SLC17A5: variants seen among roughly 807,000 people sequenced by gnomAD.
SLC17A5 encodes the protein solute carrier family 17 member 5.
A neutral mutation model predicts 59.4 loss-of-function variants in SLC17A5; 47 were observed. The ratio of observed to expected loss-of-function variants is 0.79; its 90% CI spans 0.63 to 1.01. The LOEUF (loss-of-function observed/expected upper bound fraction) is 1.01. Ranked by LOEUF, SLC17A5 falls within the 50% of genes least tolerant of loss-of-function variation. SLC17A5 has a pLI of 0.00. For missense variants in SLC17A5, 522 were observed against 595.5 expected (o/e 0.88, Z 1.28); for synonymous variants, 202 against 210.7 (o/e 0.96, Z 0.36).
At chr6:73,596,005 C>T (rs1405988703) in intron 10 of SLC17A5, among the ~76,000 whole-genome samples, 2 of 150,470 alleles carry the variant, frequency 1.3e-5, no homozygotes, top group African/African-American at 4.9e-5. Context: ...GGGGTTTCGC[C>T]ATGTTTCCCA....
At chr6:73,614,753 G>A (rs1298974956) in intron 8 of SLC17A5, among the ~76,000 whole-genome samples, 2 of 152,214 alleles carry the variant, frequency 1.3e-5, no homozygotes, top group African/African-American at 2.4e-5. Context: ...GGTTCTTGGA[G>A]GGTGGTGTTC....
At position 73,653,887 on chromosome 6, in the gene SLC17A5, G is replaced by T. The variant is rs1437076719; in HGVS notation, c.-1C>A. On this transcript the variant is annotated 5_prime_UTR_variant, in exon 1 of 11. Transcript: ENST00000355773. ...CCAGGTCTCGAACCGGAGACCTCAT[G>T]ACGCCTACGTGAGCAGGTGTACTCG... The T allele has an allele frequency of 2.5e-6, 4 of 1,604,490 alleles. No homozygotes were observed. The highest frequency in any genetic ancestry group is 2.7e-5 in the African/African-American group (2 of 74,670).
At position 73,621,871 on chromosome 6, in the gene SLC17A5, G is replaced by A; in HGVS notation, c.911C>T (p.Thr304Ile). Residue 304 changes from threonine to isoleucine, a missense_variant, in exon 7 of 11, where the codon ACT (threonine) becomes ATT (isoleucine). Thr to Ile is a moderately conservative substitution (Grantham distance 89). Coordinates refer to ENST00000355773, the MANE Select transcript of SLC17A5 (RefSeq NM_012434.5). The stretch of plus-strand genomic sequence containing the variant: ...CAATAATGTCAATAAAGTATAAAAA[G>A]TCCAGTTGTAAGAAAAGTGTGCAAC... ...IVVAHFSYNWTFYTLLTLLPT... is the reference protein window; with the variant it reads ...IVVAHFSYNWIFYTLLTLLPT... The A allele has an allele frequency of 6.2e-7, 1 of 1,613,384 alleles. No homozygotes were observed. The highest frequency in any genetic ancestry group is 8.5e-7 in the Non-Finnish European group (1 of 1,179,394).
chr6:73,637,210 G>A (rs1021876730), intron 4 of SLC17A5, among the ~76,000 whole-genome samples: 4 of 152,182 alleles, frequency 2.6e-5, no homozygotes, highest in African/African-American at 7.2e-5. Flanking sequence ...CTTCATTTGG[G>A]TAAAGGAAAG....
chr6:73,636,829 C>A (rs958920675), intron 4 of SLC17A5, 122 bp from the exon 5 acceptor site: 1 of 755,164 alleles, frequency 1.3e-6, no homozygotes, highest in African/African-American at 1.7e-5. Flanking sequence ...TCCTGTAATC[C>A]CTGCACTTTG....
chr6:73,602,667 C>G (rs1376218044), intron 9 of SLC17A5, among the ~76,000 whole-genome samples: 5 of 151,612 alleles, frequency 3.3e-5, no homozygotes, highest in African/African-American at 1.2e-4. Flanking sequence ...CCCAGCTACT[C>G]GGGAGGCTGA....
intron 6 of SLC17A5, among the ~76,000 whole-genome samples, chr6:73,630,328 G>A (rs1768640052): frequency 6.6e-6 from 1 of 152,170 alleles, no homozygotes. Flanking sequence ...ATCAGAATTA[G>A]AACTATATAT....
chr6:73,595,896 A>G (rs1581949091), intron 10 of SLC17A5, among the ~76,000 whole-genome samples: 2 of 144,596 alleles, frequency 1.4e-5, no homozygotes, highest in Non-Finnish European at 1.5e-5. Context: ...TTGTGTGTGT[A>G]TATATATGTA....
intron 7 of SLC17A5, 43 bp downstream of exon 7, chr6:73,621,761 C>T (rs1768162940): frequency 2.7e-6 from 4 of 1,467,878 alleles, no homozygotes; most frequent in African/African-American, 2.8e-5. Context: ...TGTGTATGGT[C>T]TTATACTATA....
At chr6:73,641,172 C>T (rs558304829) in intron 3 of SLC17A5, among the ~76,000 whole-genome samples, 2 of 152,048 alleles carry the variant, frequency 1.3e-5, no homozygotes, top group African/African-American at 4.8e-5. Context: ...CTCTGCCTCC[C>T]GGGTTCAAGC....
intron 6 of SLC17A5, among the ~76,000 whole-genome samples, chr6:73,623,067 T>C (rs556164255): frequency 1.3e-5 from 2 of 152,190 alleles, no homozygotes; most frequent in African/African-American, 4.8e-5. Context: ...AAGAGAGTCT[T>C]GCTCTGTCAC....
chr6:73,621,502 C>T (rs1295749514), intron 7 of SLC17A5, among the ~76,000 whole-genome samples: 4 of 152,136 alleles, frequency 2.6e-5, no homozygotes, highest in Non-Finnish European at 4.4e-5. Flanking sequence ...AATGTGTATT[C>T]GTATTCAAGT....
At chr6:73,642,146 T>G (rs1769315514) in intron 2 of SLC17A5, among the ~76,000 whole-genome samples, 1 of 152,240 alleles carries the variant, frequency 6.6e-6, no homozygotes, top group African/African-American at 2.4e-5. Context: ...CAAGAAGGCT[T>G]GCAATTTTAT....
intron 3 of SLC17A5, among the ~76,000 whole-genome samples, chr6:73,638,947 T>C (rs1769152022): frequency 6.6e-6 from 1 of 152,206 alleles, no homozygotes; most frequent in Admixed American, 6.5e-5. Flanking sequence ...ATTTTACTCA[T>C]TCACTTTATT....
chr6:73,624,231 C>T (rs1004630641), intron 6 of SLC17A5, among the ~76,000 whole-genome samples: 1 of 151,648 alleles, frequency 6.6e-6, no homozygotes, highest in African/African-American at 2.4e-5. Context: ...TGGTGAAACC[C>T]TGTCTCTACT....
At chr6:73,615,291 A>G in intron 8 of SLC17A5, 24 bp downstream of exon 8, 1 of 1,613,620 alleles carries the variant, frequency 6.2e-7, no homozygotes, top group Non-Finnish European at 8.5e-7. Context: ...GTAAACCAAA[A>G]CAAAACCTGA....
At chr6:73,621,666 T>C (rs900713077) in intron 7 of SLC17A5, 138 bp downstream of exon 7, 1 of 677,890 alleles carries the variant, frequency 1.5e-6, no homozygotes, top group East Asian at 2.8e-5. Context: ...AGTCCTTTGA[T>C]GTATAAGAAT....
rs1390479130 is a variant in SLC17A5 at position 73,644,623 on chromosome 6, A to C, written c.95-20T>G. On this transcript the variant is annotated intron_variant, in intron 1 of 10. Transcript: ENST00000355773. Reference sequence around the variant, plus strand: ...CTGGAGCTGAAATAAAGATTGGGGAAAATTTTTATTTATTTTTAAATTTTT... The same window carrying C: ...CTGGAGCTGAAATAAAGATTGGGGACAATTTTTATTTATTTTTAAATTTTT... 5.0e-6 allele frequency: 8 copies of C among 1,602,884 alleles called. No homozygotes were observed. The highest frequency in any genetic ancestry group is 1.3e-5 in the African/African-American group (1 of 74,460).
chr6:73,643,113 C>T (rs866654041), intron 2 of SLC17A5, among the ~76,000 whole-genome samples: 4 of 151,872 alleles, frequency 2.6e-5, no homozygotes, highest in African/African-American at 4.8e-5. Context: ...CTAGTATCTT[C>T]GTGAGCACTG....
Sources: allele counts gnomAD v4.1 joint callset (sites outside exome capture counted in the v4.1 genomes callset), GRCh38; gene constraint gnomAD v4.1.1; transcripts MANE v1.5; gene names NCBI Gene and HGNC (gene_info 2026-07-23, HGNC 2026-07-21).